The following SLAIN1 variants were observed in gnomAD, a reference collection of about 807,000 sequenced individuals.
The protein encoded by SLAIN1 is SLAIN family member 1.
In SLAIN1, 17 loss-of-function variants were observed where a neutral mutation model predicts 55.4. The ratio of observed to expected loss-of-function variants is 0.31; its 90% confidence interval spans 0.21 to 0.46. The LOEUF is 0.46. Among genes scored for constraint, SLAIN1 ranks in the 20% least tolerant of loss-of-function variants. The pLI is 1.00. For missense variants in SLAIN1, 682 were observed against 785.1 expected (o/e 0.87, Z 1.57); for synonymous variants, 348 against 337.4 (o/e 1.03, Z -0.35).
chr13:77,759,874 A>AT (rs774545617), intron 5 of SLAIN1, among the ~76,000 whole-genome samples: 1 of 152,144 alleles, frequency 6.6e-6, no homozygotes, highest in African/African-American at 2.4e-5. Context: ...AATTAAACAC[A>AT]TTTTTTAAGG....
At chr13:77,711,731 C>T (rs1440929159) in intron 1 of SLAIN1, among the ~76,000 whole-genome samples, 1 of 152,106 alleles carries the variant, frequency 6.6e-6, no homozygotes, top group Admixed American at 6.5e-5. Flanking sequence ...TTTATGAGAC[C>T]AGCATCATCC....
At chr13:77,723,836 G>T (rs918399069) in intron 2 of SLAIN1, among the ~76,000 whole-genome samples, 3 of 151,784 alleles carry the variant, frequency 2.0e-5, no homozygotes, top group Admixed American at 2.0e-4. Context: ...ATACTTCTGT[G>T]GGTCAGAATC....
chr13:77,700,585 G>A (rs1046470282), intron 1 of SLAIN1, among the ~76,000 whole-genome samples: 1 of 152,116 alleles, frequency 6.6e-6, no homozygotes, highest in Non-Finnish European at 1.5e-5. Context: ...AAATCTTTTT[G>A]ATGAAGAAAA....
At chr13:77,737,607 T>C (rs1873185383) in intron 2 of SLAIN1, among the ~76,000 whole-genome samples, 1 of 152,120 alleles carries the variant, frequency 6.6e-6, no homozygotes, top group Admixed American at 6.6e-5. Flanking sequence ...TGCTCTTTCA[T>C]GTGTTCTTGG....
chr13:77,719,083 CTT>C (rs1273400967), intron 1 of SLAIN1, among the ~76,000 whole-genome samples: 1 of 152,044 alleles, frequency 6.6e-6, no homozygotes, highest in East Asian at 1.9e-4. Flanking sequence ...GGTGTTTAGA[CTT>C]ATTTTTAAAA....
chr13:77,719,925 CT>C (rs559898406), intron 2 of SLAIN1, among the ~76,000 whole-genome samples: 10 of 148,528 alleles, frequency 6.7e-5, no homozygotes, highest in East Asian at 2.0e-4. Context: ...AAATTTATTT[CT>C]TTTTTTTTTC....
In SLAIN1 at chr13:77,701,589, A is replaced by G. The variant is rs540879799; in HGVS notation, c.626+3050A>G. ...TTGACAAAAAAGCTTTGATGAAACAATTTTCTTATTTCTTTGAATATTTAT... is the reference window on the plus strand; with the variant it reads ...TTGACAAAAAAGCTTTGATGAAACAGTTTTCTTATTTCTTTGAATATTTAT... On this transcript the variant is annotated intron_variant, in intron 1 of 6. Transcript: ENST00000418532. Among the ~76,000 whole-genome samples the G allele has an allele frequency of 6.1e-4, 93 of 152,114 alleles. 3 individuals carry two copies. The South Asian group carries it at 0.018, about 30-fold the overall frequency.
At chr13:77,755,667 G>A (rs1281842336) in intron 5 of SLAIN1, among the ~76,000 whole-genome samples, 1 of 152,108 alleles carries the variant, frequency 6.6e-6, no homozygotes, top group Non-Finnish European at 1.5e-5. Context: ...AAATATGCAT[G>A]GGTTCATACT....
intron 2 of SLAIN1, among the ~76,000 whole-genome samples, chr13:77,728,556 T>C (rs1226606714): frequency 6.6e-6 from 1 of 152,228 alleles, no homozygotes; most frequent in African/African-American, 2.4e-5. Flanking sequence ...GATTAGATAC[T>C]AAGGAAATGT....
chr13:77,739,833 A>T (rs959147783), intron 2 of SLAIN1, among the ~76,000 whole-genome samples: 10 of 152,056 alleles, frequency 6.6e-5, no homozygotes, highest in African/African-American at 2.4e-4. Context: ...TTTTGGTCAT[A>T]CTTTGCTTAA....
chr13:77,756,073 T>C (rs543279181), intron 5 of SLAIN1, among the ~76,000 whole-genome samples: 29 of 152,314 alleles, frequency 1.9e-4, no homozygotes, highest in African/African-American at 6.5e-4. Context: ...TAATCATAAA[T>C]TCTTTGGAAA....
At chr13:77,709,833 C>T (rs61695599) in intron 1 of SLAIN1, among the ~76,000 whole-genome samples, 1,828 of 152,174 alleles carry the variant, frequency 0.012, 35 homozygotes, top group African/African-American at 0.041. Flanking sequence ...TGCAATGGCG[C>T]GATCTCGGCT....
intron 4 of SLAIN1, among the ~76,000 whole-genome samples, chr13:77,752,288 CT>C (rs79381085): frequency 0.018 from 1,719 of 94,190 alleles, 14 homozygotes; most frequent in African/African-American, 0.033. Flanking sequence ...TTCTAGGGTT[CT>C]TTTTTTTTTT....
rs1001720034 is a variant in SLAIN1 at position 77,698,579 on chromosome 13, C to G, written c.626+40C>G. 31 of 1,363,286 alleles carry G rather than the reference C, an allele frequency of 2.3e-5. No individual in the cohort carries two copies. The African/African-American group carries it at 3.6e-4, about 16-fold the overall frequency. 84.4% of individuals were successfully genotyped at this position (1,363,286 alleles called of 1,614,324 possible). ...CGCTCCTTCCCCGAGACCCTGGCCT[C>G]GGGGGCTTCGGGCACCGGGGAGCGG... On this transcript the variant is annotated intron_variant, in intron 1 of 6. Transcript: ENST00000418532. This position sits in a 1 kb window ranked among gnomAD's most constrained non-coding sequence, Gnocchi z 4.1.
chr13:77,724,748 T>G (rs1199429581), intron 2 of SLAIN1, among the ~76,000 whole-genome samples: 7 of 152,232 alleles, frequency 4.6e-5, no homozygotes, highest in Admixed American at 3.9e-4. Context: ...ATTTTTCTTT[T>G]TTTTATTATA....
At chr13:77,706,150 TAC>T (rs1468112981) in intron 1 of SLAIN1, among the ~76,000 whole-genome samples, 1 of 152,146 alleles carries the variant, frequency 6.6e-6, no homozygotes, top group East Asian at 1.9e-4. Flanking sequence ...ACAGTCTTTA[TAC>T]TTTTATGATC....
At chr13:77,728,944 G>C (rs1451108138) in intron 2 of SLAIN1, among the ~76,000 whole-genome samples, 1 of 152,154 alleles carries the variant, frequency 6.6e-6, no homozygotes, top group Non-Finnish European at 1.5e-5. Context: ...TTTCTCACTG[G>C]AAAAACAATC....
At chr13:77,747,300 C>T (rs1179143815) in intron 4 of SLAIN1, among the ~76,000 whole-genome samples, 1 of 152,030 alleles carries the variant, frequency 6.6e-6, no homozygotes, top group Non-Finnish European at 1.5e-5. Context: ...AATCATCCTC[C>T]AGACCTTCTC....
rs566994968 is a variant in SLAIN1 at position 77,698,390 on chromosome 13, G to C, written c.477G>C (p.Ala159=). 6.0e-5 allele frequency: 85 copies of C among 1,412,974 alleles called. No homozygotes were observed. Among genetic ancestry groups the C allele is most frequent in the East Asian group, 4.7e-4 (15 of 31,966 alleles). 87.5% of individuals were successfully genotyped at this position (1,412,974 alleles called of 1,614,324 possible). The part of the protein sequence containing the change: ...YFKPAAGFFG[A]GGGGPEPGGA... ...AGCCGGCAGCAGGCTTCTTCGGCGCGGGCGGTGGCGGGCCGGAGCCGGGGG... is the reference window on the plus strand; with the variant it reads ...AGCCGGCAGCAGGCTTCTTCGGCGCCGGCGGTGGCGGGCCGGAGCCGGGGG... The change falls in exon 1 of 7, where the codon GCG becomes GCC. Residue 159 remains alanine, a synonymous_variant. Coordinates refer to ENST00000418532, the MANE Select transcript of SLAIN1 (RefSeq NM_001242868.2). This position sits in a 1 kb window ranked among gnomAD's most constrained non-coding sequence, Gnocchi z 4.1.
Sources: gnomAD v4.1 joint callset for allele counts (sites outside exome capture counted in the v4.1 genomes callset) on GRCh38, gnomAD v4.1.1 for gene constraint, Gnocchi (gnomAD v3.1) non-coding constraint, MANE v1.5 for transcripts, NCBI Gene and HGNC (gene_info 2026-07-23, HGNC 2026-07-21) for gene names.